Variants in DOCK5 observed in about 807,000 individuals in gnomAD.
DOCK5 encodes the protein dedicator of cytokinesis 5.
DOCK5 carries 142 observed loss-of-function variants against 251.8 expected under a neutral mutation model. The ratio of observed to expected loss-of-function variants is 0.56; its 90% CI spans 0.49 to 0.65. The LOEUF is 0.65. Among genes scored for constraint, DOCK5 ranks in the 30% least tolerant of loss-of-function variants. The pLI, the probability that DOCK5 is intolerant of heterozygous loss-of-function variation, is 0.00. For synonymous variants in DOCK5, 842 were observed against 835.5 expected (o/e 1.01, Z -0.13); for missense variants, 2,111 against 2,312.3 (o/e 0.91, Z 1.79).
intron 2 of DOCK5, among the ~76,000 whole-genome samples, chr8:25,259,095 G>A (rs1451494803): frequency 1.3e-5 from 2 of 152,172 alleles, no homozygotes; most frequent in Non-Finnish European, 2.9e-5. Context: ...ACGCCAGTCT[G>A]GGTGACAGAG....
chr8:25,375,114 T>C (rs7813096), intron 37 of DOCK5: 240,450 of 540,232 alleles, frequency 0.45, 55,115 homozygotes, highest in Middle Eastern at 0.53. Context: ...CTGAGCACCT[T>C]CTCTAACTTT....
chr8:25,300,527 C>T (rs1190344033), intron 8 of DOCK5, 49 bp from the exon 9 acceptor site: 1 of 1,541,792 alleles, frequency 6.5e-7, no homozygotes, highest in East Asian at 2.3e-5. Flanking sequence ...GCCTCATCTC[C>T]AACCCCAGTT....
At chr8:25,302,705 C>T (rs534450262) in intron 10 of DOCK5, among the ~76,000 whole-genome samples, 19 of 152,286 alleles carry the variant, frequency 1.2e-4, no homozygotes, top group Admixed American at 7.8e-4. Flanking sequence ...GTGGTGTGTA[C>T]GCACAATGGA....
intron 27 of DOCK5, among the ~76,000 whole-genome samples, chr8:25,357,330 T>C (rs987542109): frequency 1.3e-5 from 2 of 151,546 alleles, no homozygotes; most frequent in African/African-American, 4.8e-5. Flanking sequence ...ATCAAAGGCC[T>C]TAGTACAATA....
chr8:25,368,166 C>T (rs1480790848), intron 31 of DOCK5, 26 bp from the exon 32 acceptor site: 1 of 1,584,504 alleles, frequency 6.3e-7, no homozygotes, highest in East Asian at 2.2e-5. Flanking sequence ...GAAAATCCTC[C>T]TTCTAGTTTA....
At chr8:25,278,506 C>G in intron 4 of DOCK5, 63 bp from the exon 5 acceptor site, 1 of 1,503,934 alleles carries the variant, frequency 6.6e-7, no homozygotes, top group South Asian at 1.2e-5. Flanking sequence ...AAGTCTGATC[C>G]CCATCAAGTA....
chr8:25,235,377 C>T (rs889796533), intron 1 of DOCK5, among the ~76,000 whole-genome samples: 2 of 152,130 alleles, frequency 1.3e-5, no homozygotes, highest in Non-Finnish European at 2.9e-5. Flanking sequence ...CCTCCCACCT[C>T]ACCCTCTCGG....
At position 25,310,436 on chromosome 8, in the gene DOCK5, G is replaced by A. The variant is rs767401675; in HGVS notation, c.1222G>A (p.Gly408Ser). The change falls in exon 13 of 52, where the codon GGT (glycine) becomes AGT (serine). Residue 408 changes from glycine to serine, a missense_variant. Gly to Ser is a moderately conservative substitution (Grantham distance 56, BLOSUM62 0). Coordinates refer to ENST00000276440, the MANE Select transcript of DOCK5 (RefSeq NM_024940.8). ...GLWVSLKLLP[G>S]DLTQVQKNFS... ...TTGGGTATCCTTGAAGCTCTTGCCC[G>A]GTGACCTCACCCAGGTTCAGAAGAA... 1.9e-6 allele frequency: 3 copies of A among 1,613,096 alleles called. No individual in the cohort carries two copies. The highest frequency in any genetic ancestry group is 1.7e-5 in the Admixed American group (1 of 59,844).
intron 2 of DOCK5, among the ~76,000 whole-genome samples, chr8:25,250,559 C>T (rs1379789020): frequency 2.0e-5 from 3 of 152,128 alleles, no homozygotes; most frequent in Non-Finnish European, 4.4e-5. Context: ...GATGCCCGGC[C>T]GTGAGGTCAT....
chr8:25,288,595 C>G (rs1317788010), intron 5 of DOCK5, among the ~76,000 whole-genome samples: 1 of 152,222 alleles, frequency 6.6e-6, no homozygotes, highest in Non-Finnish European at 1.5e-5. Flanking sequence ...TGAACCCTTT[C>G]TTTACCATAT....
chr8:25,292,286 T>C (rs1804512960), intron 6 of DOCK5, 114 bp downstream of exon 6: 1 of 1,186,358 alleles, frequency 8.4e-7, no homozygotes, highest in African/African-American at 1.5e-5. Context: ...AGAATAATGC[T>C]TACTGCTCTC....
intron 12 of DOCK5, among the ~76,000 whole-genome samples, chr8:25,309,200 T>G (rs1235761816): frequency 2.0e-5 from 3 of 152,166 alleles, no homozygotes; most frequent in African/African-American, 4.8e-5. Context: ...TATTTATTTA[T>G]TTTTGAGACT....
intron 2 of DOCK5, among the ~76,000 whole-genome samples, chr8:25,254,786 AAC>A (rs1803371282): frequency 7.7e-6 from 1 of 129,396 alleles, no homozygotes; most frequent in Non-Finnish European, 1.6e-5. Context: ...AAAAAAACAA[AAC>A]AAAACAAAAA....
chr8:25,354,689 A>T (rs932761461), intron 27 of DOCK5, among the ~76,000 whole-genome samples: 3 of 152,236 alleles, frequency 2.0e-5, no homozygotes, highest in Non-Finnish European at 1.5e-5. Flanking sequence ...GCGAAGAGAG[A>T]TGTGGAAAAA....
intron 1 of DOCK5, among the ~76,000 whole-genome samples, chr8:25,205,925 T>C (rs1006823936): frequency 6.6e-6 from 1 of 152,202 alleles, no homozygotes; most frequent in Non-Finnish European, 1.5e-5. Context: ...TAGATTCTGT[T>C]TGTGGGAAGT....
chr8:25,196,799 G>A (rs1211024654), intron 1 of DOCK5, among the ~76,000 whole-genome samples: 1 of 152,116 alleles, frequency 6.6e-6, no homozygotes, highest in Non-Finnish European at 1.5e-5. Flanking sequence ...AAAGATTTTA[G>A]TACTTTCAAA....
intron 40 of DOCK5, among the ~76,000 whole-genome samples, chr8:25,387,328 A>G (rs1317915620): frequency 6.6e-6 from 1 of 152,022 alleles, no homozygotes; most frequent in Non-Finnish European, 1.5e-5. Flanking sequence ...ACAGGTGTGC[A>G]CCATCACGCC....
At chr8:25,383,046 A>G (rs749541298) in intron 40 of DOCK5, among the ~76,000 whole-genome samples, 1 of 152,166 alleles carries the variant, frequency 6.6e-6, no homozygotes, top group Non-Finnish European at 1.5e-5. Flanking sequence ...GTCAGCTGCT[A>G]CGGGTCACGC....
At chr8:25,331,801 T>TATATAG (rs1339651435) in intron 18 of DOCK5, among the ~76,000 whole-genome samples, 9 of 118,528 alleles carry the variant, frequency 7.6e-5, no homozygotes, top group African/African-American at 2.1e-4. Flanking sequence ...TATATATATA[T>TATATAG]AGAGAGAGAG....
Sources: gnomAD v4.1 joint callset for allele counts (sites outside exome capture counted in the v4.1 genomes callset) on GRCh38, gnomAD v4.1.1 for gene constraint, MANE v1.5 for transcripts, NCBI Gene and HGNC (gene_info 2026-07-23, HGNC 2026-07-21) for gene names.